Variants in TCTN2 observed in about 807,000 individuals in gnomAD.
TCTN2 encodes the protein tectonic-2.
Under a neutral mutation model 83.4 loss-of-function variants are expected in TCTN2, and 66 were observed. The ratio of observed to expected loss-of-function variants is 0.79; its 90% CI spans 0.65 to 0.97. The LOEUF (loss-of-function observed/expected upper bound fraction) is 0.97. TCTN2 is among the 50% of genes least tolerant of loss of function. The probability of loss-of-function intolerance (pLI) is 0.00; values close to 1 mark genes in which losing one functional copy is unlikely to be tolerated. For missense variants in TCTN2, 794 were observed against 858.1 expected, an observed-to-expected ratio of 0.93 and a Z score of 0.93; for synonymous variants, 301 against 326.7, an observed-to-expected ratio of 0.92 and a Z score of 0.85.
At chr12:123,678,876 C>T (rs1386625643) in intron 4 of TCTN2, among the ~76,000 whole-genome samples, 2 of 151,910 alleles carry the variant, frequency 1.3e-5, no homozygotes, top group East Asian at 1.9e-4. Flanking sequence ...CGGCTCACTG[C>T]AAGCTCCGCC....
At chr12:123,699,677 G>C (rs376610457) in intron 13 of TCTN2, 27 bp from the exon 14 acceptor site, 46 of 1,571,582 alleles carry the variant, frequency 2.9e-5, no homozygotes, top group Non-Finnish European at 3.9e-5. Flanking sequence ...CTGGCCATGA[G>C]CTGAGAAATG....
At chr12:123,696,937 T>G (rs1243997054) in intron 12 of TCTN2, 150 bp from the exon 13 acceptor site, 2 of 675,624 alleles carry the variant, frequency 3.0e-6, no homozygotes, top group South Asian at 3.4e-5. Context: ...TTGTTCAGCT[T>G]TGAAAGGATT....
At chr12:123,685,939 T>C (rs1955961331) in intron 5 of TCTN2, among the ~76,000 whole-genome samples, 1 of 151,018 alleles carries the variant, frequency 6.6e-6, no homozygotes, top group African/African-American at 2.4e-5. Context: ...CTATGTTGCC[T>C]AGGCTGGTCT....
intron 15 of TCTN2, among the ~76,000 whole-genome samples, chr12:123,705,265 C>T (rs1463589253): frequency 1.3e-5 from 2 of 150,158 alleles, no homozygotes; most frequent in South Asian, 2.1e-4. Context: ...CTAGTTCAAG[C>T]GATTCTCCTG....
chr12:123,671,526 C>G lies in TCTN2; in HGVS notation c.102C>G (p.Ile34Met). ...WGDLAFIPPF[I>M]RMSGPAVSAS... The stretch of plus-strand genomic sequence containing the variant: ...GCCTAGCTTTCATCCCTCCTTTTAT[C>G]CGAATGTCCGGCCCTGCGGTCAGCG... The change falls in exon 2 of 18, where the codon ATC becomes ATG. Residue 34 changes from isoleucine to methionine, a missense_variant. By Grantham distance (10) the Ile-to-Met change is conservative. Transcript: ENST00000303372. The G allele has an allele frequency of 1.2e-6, 2 of 1,614,180 alleles. No homozygotes were observed. Among genetic ancestry groups the G allele is most frequent in the Non-Finnish European group, 1.7e-6 (2 of 1,180,032 alleles).
chr12:123,692,524 T>A (rs1956055663), intron 8 of TCTN2, 134 bp from the exon 9 acceptor site: 1 of 718,966 alleles, frequency 1.4e-6, no homozygotes, highest in Admixed American at 2.0e-5. Flanking sequence ...TTTTGGGGAG[T>A]GGGGAGGGTT....
intron 4 of TCTN2, among the ~76,000 whole-genome samples, chr12:123,678,803 CT>C (rs142489839): frequency 1.0e-3 from 148 of 143,066 alleles, no homozygotes; most frequent in Middle Eastern, 7.2e-3. Flanking sequence ...ATTCAGCTTG[CT>C]TTTTTTTTTT....
At position 123,697,155 on chromosome 12, in the gene TCTN2, T is replaced by A. The variant is rs765771036; in HGVS notation, c.1462T>A (p.Cys488Ser). 1.5e-5 allele frequency: 25 copies of A among 1,613,974 alleles called. No individual in the cohort carries two copies. Among genetic ancestry groups the A allele is most frequent in the Non-Finnish European group, 2.0e-5 (24 of 1,179,976 alleles). Residue 488 changes from cysteine (C) to serine (S), a missense_variant, in exon 13 of 18, where the codon TGC becomes AGC. Cys to Ser is a moderately radical substitution (Grantham distance 112). Coordinates refer to ENST00000303372, the MANE Select transcript of TCTN2 (RefSeq NM_024809.5). Reference sequence around the variant, plus strand: ...ATTTGGAGAAAATGTACTCTCTGGATGCCTGTTAGAAGTCGGGATTAATGA... The same window carrying A: ...ATTTGGAGAAAATGTACTCTCTGGAAGCCTGTTAGAAGTCGGGATTAATGA... ...ILFGENVLSG[C>S]LLEVGINENC... is the part of the protein sequence containing the mutation.
In TCTN2 at chr12:123,704,642, G is replaced by A. The variant is rs202157566; in HGVS notation, c.1723G>A (p.Ala575Thr). The change falls in exon 15 of 18, where the codon GCG becomes ACG. Residue 575 changes from alanine (A) to threonine (T), a missense_variant. Ala to Thr is a moderately conservative substitution (Grantham distance 58). Coordinates refer to ENST00000303372, the MANE Select transcript of TCTN2 (RefSeq NM_024809.5). ...CCGCATCCTCATCTCGGATGCTGGCGCGGTGGAAGGGATTACTCAGCAGGA... is the reference window on the plus strand; with the variant it reads ...CCGCATCCTCATCTCGGATGCTGGCACGGTGGAAGGGATTACTCAGCAGGA... ...SIRILISDAG[A>T]VEGITQQEIL... is the part of the protein sequence containing the mutation. The A allele has an allele frequency of 2.5e-5, 41 of 1,613,144 alleles. No individual in the cohort carries two copies. The Admixed American group carries it at 3.2e-4, about 13-fold the overall frequency.
rs1157432406 is a variant in TCTN2 at position 123,704,545 on chromosome 12, T to C, written c.1626T>C (p.Pro542=). 6.2e-7 allele frequency: 1 copy of C among 1,612,582 alleles called. No homozygotes were observed. Among genetic ancestry groups the C allele is most frequent in the Non-Finnish European group, 8.5e-7 (1 of 1,179,364 alleles). The part of the protein sequence containing the change: ...GWLEIIRVDA[P]DPGADPLASS... ...ACATTTCTATAGGTGTAGATGCCCC[T>C]GATCCAGGTGCAGACCCGCTGGCTA... Residue 542 remains proline, a synonymous_variant, in exon 15 of 18, where the codon CCT becomes CCC. Transcript: ENST00000303372.
chr12:123,685,092 C>G (rs1310552026), intron 5 of TCTN2, among the ~76,000 whole-genome samples: 2 of 151,688 alleles, frequency 1.3e-5, no homozygotes, highest in Admixed American at 1.3e-4. Context: ...ACATTTGGCT[C>G]AGGTATCATT....
chr12:123,699,776 C>T lies in TCTN2; in HGVS notation c.1578C>T (p.Tyr526=), dbSNP rs749973336. 3.6e-5 allele frequency: 58 copies of T among 1,614,016 alleles called. 2 individuals are homozygous for T. The South Asian group carries it at 4.7e-4, about 13-fold the overall frequency. ...THVAMRGNSD[Y]ADLSDGWLEI... ...TTGCAATGAGAGGCAACTCCGATTA[C>T]GCTGATCTTAGTGATGGCTGGCTCG... The change falls in exon 14 of 18, where the codon TAC becomes TAT. Residue 526 remains tyrosine (Y), a synonymous_variant. Transcript: ENST00000303372.
intron 5 of TCTN2, among the ~76,000 whole-genome samples, chr12:123,679,871 C>A (rs1386265911): frequency 6.6e-6 from 1 of 150,668 alleles, no homozygotes; most frequent in Admixed American, 6.6e-5. Flanking sequence ...TCCTGAGTAG[C>A]TGGGACTACA....
chr12:123,707,768 C>T lies in TCTN2; in HGVS notation c.*55C>T, dbSNP rs1956248755. 3.7e-6 allele frequency: 5 copies of T among 1,369,562 alleles called. No homozygotes were observed. Among genetic ancestry groups the T allele is most frequent in the Non-Finnish European group, 5.2e-6 (5 of 959,760 alleles). 84.8% of individuals were successfully genotyped at this position (1,369,562 alleles called of 1,614,324 possible). On this transcript the variant is annotated 3_prime_UTR_variant, in exon 18 of 18. Transcript: ENST00000303372. ...TGGAGTTTTGCTCTTGTTGCCCAGGCTGAAGTGATCTCGGCTCACCACAAC... is the reference window on the plus strand; with the variant it reads ...TGGAGTTTTGCTCTTGTTGCCCAGGTTGAAGTGATCTCGGCTCACCACAAC...
intron 14 of TCTN2, among the ~76,000 whole-genome samples, chr12:123,701,632 A>G (rs1319413247): frequency 2.6e-5 from 4 of 151,518 alleles, no homozygotes; most frequent in Admixed American, 1.3e-4. Flanking sequence ...AGTCCCAGCT[A>G]CTCGGGAGGC....
chr12:123,681,405 C>T (rs543988196), intron 5 of TCTN2, among the ~76,000 whole-genome samples: 1 of 152,320 alleles, frequency 6.6e-6, no homozygotes, highest in East Asian at 1.9e-4. Context: ...TTCCTATCTC[C>T]ATCCCTCATC....
chr12:123,673,048 C>CA (rs1046068438), intron 3 of TCTN2, among the ~76,000 whole-genome samples: 46 of 144,948 alleles, frequency 3.2e-4, no homozygotes, highest in Middle Eastern at 3.5e-3. Flanking sequence ...GACTCCGTCT[C>CA]AAAAAAAAAA....
intron 1 of TCTN2, 82 bp from the exon 2 acceptor site, chr12:123,671,425 G>C (rs1215126646): frequency 4.4e-6 from 7 of 1,585,634 alleles, no homozygotes; most frequent in Non-Finnish European, 6.1e-6. Context: ...AGTCGACAAC[G>C]CCAAAGCAAG....
intron 5 of TCTN2, among the ~76,000 whole-genome samples, chr12:123,681,732 T>C (rs1272188875): frequency 6.6e-6 from 1 of 152,220 alleles, no homozygotes; most frequent in South Asian, 2.1e-4. Context: ...TGTGAACATA[T>C]GTTTCCATTT....
Sources: allele counts gnomAD v4.1 joint callset (sites outside exome capture counted in the v4.1 genomes callset), GRCh38; gene constraint gnomAD v4.1.1; transcripts MANE v1.5; gene names NCBI Gene and HGNC (gene_info 2026-07-23, HGNC 2026-07-21).